Variants in TANGO6 observed in about 807,000 individuals in gnomAD.
TANGO6 encodes transport and Golgi organization protein 6 homolog.
A neutral mutation model predicts 114.2 loss-of-function variants in TANGO6; 90 were observed. The observed-to-expected ratio is 0.79, with a 90% CI of 0.66 to 0.94. The LOEUF (loss-of-function observed/expected upper bound fraction) is 0.94, where lower values mean the gene tolerates loss of function less well. TANGO6 is among the 40% of genes least tolerant of loss of function. The pLI is 0.00. For missense variants in TANGO6, 1,274 were observed against 1,315.3 expected (o/e 0.97, Z 0.49); for synonymous variants, 477 against 509.8 (o/e 0.94, Z 0.87).
intron 17 of TANGO6, among the ~76,000 whole-genome samples, chr16:69,070,849 C>T (rs1422400652): frequency 6.6e-6 from 1 of 151,400 alleles, no homozygotes; most frequent in African/African-American, 2.4e-5. Context: ...TCTTGGCTCA[C>T]TGCAACCTCT....
At chr16:68,938,994 C>G (rs1258308767) in intron 14 of TANGO6, among the ~76,000 whole-genome samples, 1 of 149,808 alleles carries the variant, frequency 6.7e-6, no homozygotes, top group East Asian at 2.0e-4. Context: ...GTCTTTTGAG[C>G]CCAGGAGGTC....
At position 68,867,126 on chromosome 16, in the gene TANGO6, G is replaced by C; in HGVS notation, c.900G>C (p.Trp300Cys). Reference sequence around the variant, plus strand: ...AGATGAGGTGTCGGGCCCCAGCTTGGCTTCGGCGTCTATGTGGACAGCTGC... The same window carrying C: ...AGATGAGGTGTCGGGCCCCAGCTTGCCTTCGGCGTCTATGTGGACAGCTGC... ...KTQMRCRAPA[W>C]LRRLCGQLLS... Residue 300 changes from tryptophan (W) to cysteine (C), a missense_variant, in exon 4 of 18, where the codon TGG becomes TGC. Physicochemically the swap from Trp to Cys is radical, Grantham distance 215 (BLOSUM62 -2). Transcript: ENST00000261778. 6.2e-7 allele frequency: 1 copy of C among 1,613,858 alleles called. No individual in the cohort carries two copies. The highest frequency in any genetic ancestry group is 8.5e-7 in the Non-Finnish European group (1 of 1,179,876).
At chr16:68,991,197 G>A (rs1031938664) in intron 15 of TANGO6, among the ~76,000 whole-genome samples, 3 of 152,218 alleles carry the variant, frequency 2.0e-5, no homozygotes, top group African/African-American at 7.2e-5. Context: ...AGCTCTGAGA[G>A]CTGAGCAGAG....
chr16:68,938,398 G>A (rs185840685), intron 14 of TANGO6, among the ~76,000 whole-genome samples: 16 of 152,304 alleles, frequency 1.1e-4, no homozygotes, highest in Middle Eastern at 3.4e-3. Context: ...AGTCACAGTA[G>A]GTTTGTTTCA....
rs1288799294 is a variant in TANGO6 at position 68,851,135 on chromosome 16, AT to A, written c.94+7431del. Among the ~76,000 whole-genome samples, 6 of 151,764 alleles carry A rather than the reference AT, an allele frequency of 4.0e-5. No homozygotes were observed. In the East Asian group the frequency reaches 7.7e-4, roughly 20 times the overall value. On this transcript the variant is annotated intron_variant, in intron 1 of 17. Transcript: ENST00000261778. ...ACACAAAAGGTAGCATACTATATAT[AT>A]TTTTTTCTGCGTCTTTTAATTTTAA...
chr16:68,913,116 G>A (rs1424961870), intron 11 of TANGO6, among the ~76,000 whole-genome samples: 5 of 150,222 alleles, frequency 3.3e-5, no homozygotes, highest in Admixed American at 1.3e-4. Flanking sequence ...ATGTTGCAAA[G>A]TTCAGTGGCG....
At chr16:68,861,785 G>T (rs1962096218) in intron 2 of TANGO6, among the ~76,000 whole-genome samples, 1 of 152,158 alleles carries the variant, frequency 6.6e-6, no homozygotes, top group South Asian at 2.1e-4. Context: ...ACCTCAGTAT[G>T]TGAAACGGTA....
intron 13 of TANGO6, among the ~76,000 whole-genome samples, chr16:68,928,608 T>G (rs1391781146): frequency 1.3e-5 from 2 of 151,814 alleles, no homozygotes; most frequent in Admixed American, 6.6e-5. Context: ...CCTTCAAAAT[T>G]TTTGCATGCA....
At chr16:68,873,029 T>C (rs967168754) in intron 4 of TANGO6, among the ~76,000 whole-genome samples, 9 of 150,438 alleles carry the variant, frequency 6.0e-5, no homozygotes, top group Admixed American at 4.7e-4. Context: ...TTTTAAAGAG[T>C]ACAGTTTGGG....
chr16:69,069,293 A>G (rs1305322292), intron 17 of TANGO6, among the ~76,000 whole-genome samples: 1 of 152,160 alleles, frequency 6.6e-6, no homozygotes, highest in East Asian at 1.9e-4. Flanking sequence ...CCTGCACACA[A>G]TGTGGGAAAT....
intron 17 of TANGO6, among the ~76,000 whole-genome samples, chr16:69,058,589 C>A (rs916781823): frequency 1.3e-5 from 2 of 152,236 alleles, no homozygotes; most frequent in African/African-American, 4.8e-5. Context: ...TGAGATCATA[C>A]TTGAGGAAGA....
intron 5 of TANGO6, among the ~76,000 whole-genome samples, chr16:68,875,858 T>C (rs1166568319): frequency 3.3e-5 from 5 of 152,206 alleles, no homozygotes; most frequent in Non-Finnish European, 7.3e-5. Flanking sequence ...AGTTTCATCT[T>C]GTTCGTTATC....
intron 12 of TANGO6, among the ~76,000 whole-genome samples, chr16:68,921,611 T>G (rs1281923341): frequency 6.8e-6 from 1 of 146,478 alleles, no homozygotes; most frequent in Non-Finnish European, 1.5e-5. Context: ...AGTGTGCTTT[T>G]TTTTTTTTTT....
At chr16:68,888,493 C>T (rs1412827567) in intron 7 of TANGO6, among the ~76,000 whole-genome samples, 1 of 152,122 alleles carries the variant, frequency 6.6e-6, no homozygotes, top group Non-Finnish European at 1.5e-5. Flanking sequence ...ACATTACTTG[C>T]CTGACACTCT....
intron 1 of TANGO6, among the ~76,000 whole-genome samples, chr16:68,855,439 G>A (rs879268739): frequency 4.0e-5 from 6 of 150,762 alleles, no homozygotes; most frequent in African/African-American, 1.2e-4. Flanking sequence ...GAGATCACCC[G>A]GGTGTGGTGG....
chr16:68,885,981 A>G (rs1185509647), intron 7 of TANGO6, among the ~76,000 whole-genome samples: 1 of 152,208 alleles, frequency 6.6e-6, no homozygotes, highest in Non-Finnish European at 1.5e-5. Context: ...TTTCCGAAGC[A>G]GCTACACCAT....
chr16:68,909,084 T>C, intron 10 of TANGO6, 127 bp from the exon 11 acceptor site: 4 of 833,786 alleles, frequency 4.8e-6, no homozygotes. Context: ...CTATTATAAA[T>C]AATGTTGCAA....
At chr16:68,988,497 A>G (rs2152217361) in intron 15 of TANGO6, among the ~76,000 whole-genome samples, 1 of 152,292 alleles carries the variant, frequency 6.6e-6, no homozygotes, top group African/African-American at 2.4e-5. Flanking sequence ...TCAAGACATT[A>G]ACTTTTATGA....
At chr16:68,872,666 A>ATT (rs34193925) in intron 4 of TANGO6, among the ~76,000 whole-genome samples, 2 of 139,168 alleles carry the variant, frequency 1.4e-5, no homozygotes, top group Admixed American at 7.2e-5. Context: ...ATGCCTGGTA[A>ATT]TTTTTTTTTT....
Sources: allele counts gnomAD v4.1 joint callset (sites outside exome capture counted in the v4.1 genomes callset), GRCh38; gene constraint gnomAD v4.1.1; transcripts MANE v1.5; gene names NCBI Gene and HGNC (gene_info 2026-07-23, HGNC 2026-07-21).